RNF150: variants seen among roughly 807,000 people sequenced by gnomAD.
The protein encoded by RNF150 is ring finger protein 150.
In RNF150, 24 loss-of-function variants were observed where a neutral mutation model predicts 39.3. The observed-to-expected ratio is 0.61, with a 90% confidence interval of 0.44 to 0.86. The LOEUF is 0.86. Among genes scored for constraint, RNF150 ranks in the 40% least tolerant of loss-of-function variants. The pLI, the probability that RNF150 is intolerant of heterozygous loss-of-function variation, is 0.00. For missense variants in RNF150, 502 were observed against 587.8 expected, an observed-to-expected ratio of 0.85 and a Z score of 1.51; for synonymous variants, 255 against 227.3, an observed-to-expected ratio of 1.12 and a Z score of -1.10.
At chr4:140,919,031 T>C (rs1361636747) in intron 5 of RNF150, among the ~76,000 whole-genome samples, 3 of 151,848 alleles carry the variant, frequency 2.0e-5, no homozygotes, top group Non-Finnish European at 4.4e-5. Flanking sequence ...TGATGGGACG[T>C]ATCTCAAAAT....
chr4:140,999,560 G>A (rs1293896428), intron 1 of RNF150, among the ~76,000 whole-genome samples: 3 of 152,086 alleles, frequency 2.0e-5, no homozygotes, highest in Admixed American at 6.6e-5. Flanking sequence ...AAAAGTTGGG[G>A]CACATGGTTT....
intron 1 of RNF150, among the ~76,000 whole-genome samples, chr4:141,164,469 C>T (rs889248640): frequency 6.6e-6 from 1 of 152,108 alleles, no homozygotes; most frequent in Non-Finnish European, 1.5e-5. Flanking sequence ...CAAAGATACT[C>T]ATCGAGCAAA....
intron 1 of RNF150, among the ~76,000 whole-genome samples, chr4:140,982,250 C>T (rs559894702): frequency 1.3e-5 from 2 of 152,162 alleles, no homozygotes; most frequent in South Asian, 2.1e-4. Flanking sequence ...ATATGAAACC[C>T]TTCAAAGTCA....
At chr4:141,167,591 A>G (rs1417756727) in intron 1 of RNF150, among the ~76,000 whole-genome samples, 1 of 152,206 alleles carries the variant, frequency 6.6e-6, no homozygotes, top group Non-Finnish European at 1.5e-5. Context: ...GTACCAAAAC[A>G]GATATATAGA....
chr4:141,205,150 T>C (rs75976745), intron 1 of RNF150, among the ~76,000 whole-genome samples: 5,536 of 152,286 alleles, frequency 0.036, 338 homozygotes, highest in African/African-American at 0.12. Flanking sequence ...ATTCACTGCA[T>C]TCATTTTATT....
intron 1 of RNF150, among the ~76,000 whole-genome samples, chr4:140,971,720 C>T (rs754552456): frequency 6.6e-6 from 1 of 152,058 alleles, no homozygotes; most frequent in Non-Finnish European, 1.5e-5. Flanking sequence ...TTGGTATATG[C>T]AGATTAATAA....
chr4:141,088,557 C>T (rs1051411600), intron 1 of RNF150, among the ~76,000 whole-genome samples: 20 of 152,046 alleles, frequency 1.3e-4, no homozygotes, highest in Admixed American at 1.0e-3. Context: ...AGCAATTCAA[C>T]GGGAAATTCA....
chr4:140,998,716 G>A (rs1734471237), intron 1 of RNF150, among the ~76,000 whole-genome samples: 1 of 152,158 alleles, frequency 6.6e-6, no homozygotes, highest in Admixed American at 6.5e-5. Context: ...GGCATGAGGA[G>A]TCCAGGGTCC....
chr4:141,072,116 C>A (rs572649872), intron 1 of RNF150, among the ~76,000 whole-genome samples: 9 of 152,174 alleles, frequency 5.9e-5, no homozygotes, highest in Non-Finnish European at 1.2e-4. Flanking sequence ...CATGAACAAA[C>A]ACACTGTGAG....
intron 1 of RNF150, among the ~76,000 whole-genome samples, chr4:141,083,270 G>T (rs768571508): frequency 1.3e-5 from 2 of 152,140 alleles, no homozygotes; most frequent in African/African-American, 4.8e-5. Context: ...CTAGGAAATA[G>T]GATTTTTAGA....
chr4:141,075,847 A>G (rs1737876998), intron 1 of RNF150, among the ~76,000 whole-genome samples: 1 of 152,210 alleles, frequency 6.6e-6, no homozygotes, highest in South Asian at 2.1e-4. Context: ...CATTGGGTAC[A>G]GTGTACACTG....
chr4:141,189,044 C>T (rs372517051), intron 1 of RNF150, among the ~76,000 whole-genome samples: 15 of 152,204 alleles, frequency 9.9e-5, no homozygotes, highest in African/African-American at 2.7e-4. Context: ...TCGATGCTTA[C>T]GACCTTTGGA....
intron 6 of RNF150, among the ~76,000 whole-genome samples, chr4:140,880,190 A>G (rs989536117): frequency 3.9e-5 from 6 of 151,998 alleles, no homozygotes; most frequent in Non-Finnish European, 7.4e-5. Flanking sequence ...AGTTTGTTGA[A>G]TATTTTTATT....
chr4:140,989,179 C>A (rs1451478893), intron 1 of RNF150, among the ~76,000 whole-genome samples: 1 of 152,058 alleles, frequency 6.6e-6, no homozygotes, highest in Non-Finnish European at 1.5e-5. Flanking sequence ...TTCCAGGGTT[C>A]CCTGTGCTTA....
intron 1 of RNF150, among the ~76,000 whole-genome samples, chr4:141,146,049 G>A (rs1394983228): frequency 1.3e-5 from 2 of 152,206 alleles, no homozygotes; most frequent in Admixed American, 1.3e-4. Flanking sequence ...TACATTACAA[G>A]GAAGAATTTA....
intron 5 of RNF150, among the ~76,000 whole-genome samples, chr4:140,922,864 T>A (rs542690299): frequency 6.6e-6 from 1 of 150,382 alleles, no homozygotes; most frequent in Admixed American, 6.6e-5. Flanking sequence ...AAACCAGAAA[T>A]GGGGAAAGGA....
At chr4:141,164,607 G>A (rs755178137) in intron 1 of RNF150, among the ~76,000 whole-genome samples, 1 of 152,122 alleles carries the variant, frequency 6.6e-6, no homozygotes, top group African/African-American at 2.4e-5. Context: ...GCAGATCTCT[G>A]AGCCAGAAAC....
chr4:141,211,263 T>C (rs931822823), intron 1 of RNF150, among the ~76,000 whole-genome samples: 1 of 152,202 alleles, frequency 6.6e-6, no homozygotes, highest in African/African-American at 2.4e-5. Context: ...AAATCACATT[T>C]ATTTTATATG....
intron 1 of RNF150, among the ~76,000 whole-genome samples, chr4:141,066,630 T>G (rs763066545): frequency 1.3e-5 from 2 of 152,178 alleles, no homozygotes; most frequent in Non-Finnish European, 2.9e-5. Context: ...CTGACGATAT[T>G]TCTACAAATT....
Sources: gnomAD v4.1 joint callset for allele counts (sites outside exome capture counted in the v4.1 genomes callset) on GRCh38, gnomAD v4.1.1 for gene constraint, MANE v1.5 for transcripts, NCBI Gene and HGNC (gene_info 2026-07-23, HGNC 2026-07-21) for gene names.